SYNM: variants seen among roughly 807,000 people sequenced by gnomAD.
The protein encoded by SYNM is desmuslin.
In SYNM, 95 loss-of-function variants were observed where a neutral mutation model predicts 104.0. The ratio of observed to expected loss-of-function variants is 0.91; its 90% CI spans 0.77 to 1.08. SYNM has a LOEUF of 1.08. SYNM is among the 50% of genes least tolerant of loss of function. The pLI is 0.00. For synonymous variants in SYNM, 918 were observed against 869.0 expected (o/e 1.06, Z -0.99); for missense variants, 2,150 against 2,052.2 (o/e 1.05, Z -0.92).
chr15:99,111,785 C>T (rs1555483423), intron 1 of SYNM, among the ~76,000 whole-genome samples: 1 of 152,200 alleles, frequency 6.6e-6, no homozygotes. Flanking sequence ...TGGCTTGTGC[C>T]TATAATCCCA....
At chr15:99,119,300 C>T (rs1004623399) in intron 2 of SYNM, among the ~76,000 whole-genome samples, 2 of 152,200 alleles carry the variant, frequency 1.3e-5, no homozygotes, top group East Asian at 1.9e-4. Flanking sequence ...CGGCAGCATG[C>T]GCATTGTGAG....
In SYNM at chr15:99,105,994, G is replaced by A. The variant is rs2067237547; in HGVS notation, c.795G>A (p.Gln265=). ...LLRMREEYGI[Q]AEERQRVIDC... ...GGATGCGCGAGGAGTACGGGATACA[G>A]GCCGAGGAGCGGCAGGTCCGTGCGC... Residue 265 remains glutamine (Q), a synonymous_variant, in exon 1 of 4, where the codon CAG becomes CAA. Coordinates refer to ENST00000336292, the MANE Select transcript of SYNM (RefSeq NM_145728.3). 3 of 1,478,712 alleles carry A rather than the reference G, an allele frequency of 2.0e-6. No homozygotes were observed. The highest frequency in any genetic ancestry group is 1.8e-6 in the Non-Finnish European group (2 of 1,119,978). 91.6% of individuals were successfully genotyped at this position (1,478,712 alleles called of 1,614,324 possible).
At position 99,105,265 on chromosome 15, in the gene SYNM, C is replaced by G. The variant is rs1555482333; in HGVS notation, c.66C>G (p.Leu22=). 5.8e-6 allele frequency: 9 copies of G among 1,564,130 alleles called. No individual in the cohort carries two copies. The highest frequency in any genetic ancestry group is 7.8e-6 in the Non-Finnish European group (9 of 1,155,132). Reference sequence around the variant, plus strand: ...AGCTCCAGGAGCTCAACGCCCGGCTCTATGACTACGTGTGTCGGGTGCGGG... The same window carrying G: ...AGCTCCAGGAGCTCAACGCCCGGCTGTATGACTACGTGTGTCGGGTGCGGG... ...KAELQELNAR[L]YDYVCRVREL... The change falls in exon 1 of 4, where the codon CTC becomes CTG. Residue 22 remains leucine (L), a synonymous_variant. Coordinates refer to ENST00000336292, the MANE Select transcript of SYNM (RefSeq NM_145728.3).
chr15:99,132,150 C>A lies in SYNM; in HGVS notation c.3790C>A (p.Gln1264Lys). 6.2e-7 allele frequency: 1 copy of A among 1,614,040 alleles called. No homozygotes were observed. The highest frequency in any genetic ancestry group is 8.5e-7 in the Non-Finnish European group (1 of 1,179,902). Residue 1264 changes from glutamine to lysine, a missense_variant, in exon 4 of 4, where the codon CAA becomes AAA. Transcript: ENST00000336292. ...ESVGTQTSVR[Q>K]LQLGPKEGFS... ...AGTGGGTACCCAGACTTCTGTCAGGCAACTCCAGTTAGGCCCTAAAGAAGG... is the reference window on the plus strand; with the variant it reads ...AGTGGGTACCCAGACTTCTGTCAGGAAACTCCAGTTAGGCCCTAAAGAAGG...
Position 99,106,051 on chromosome 15 carries a change from C to G in SYNM, c.810+42C>G, listed in dbSNP as rs1020186819. On this transcript the variant is annotated intron_variant, in intron 1 of 3. Coordinates refer to ENST00000336292, the MANE Select transcript of SYNM (RefSeq NM_145728.3). ...GGCGCGCTGACCCCATACCCGCTGCCGTCGCCCCAGCACCCTGCCCTTGAC... is the reference window on the plus strand; with the variant it reads ...GGCGCGCTGACCCCATACCCGCTGCGGTCGCCCCAGCACCCTGCCCTTGAC... The G allele has an allele frequency of 1.4e-5, 20 of 1,401,890 alleles. No individual in the cohort carries two copies. The African/African-American group carries it at 2.7e-4, about 19-fold the overall frequency. The allele number at this position is 1,401,890 out of a possible 1,614,324, so 86.8% of individuals were successfully genotyped here. A position where few individuals can be genotyped will look rare whatever the true frequency, so the allele number is the denominator to read the frequency against.
chr15:99,139,150 A>G, downstream of SYNM: 1 of 805,874 alleles, frequency 1.2e-6, no homozygotes, highest in Non-Finnish European at 2.1e-6. Flanking sequence ...GGCAAGGAAG[A>G]TCTTTTACAA....
chr15:99,132,797 G>C lies in SYNM; in HGVS notation c.4437G>C (p.Ala1479=). ...CGATCCGCAGCCGGACACAGGAAGC[G>C]GGAGCTCTCGGTGTGTCTGACCGTG... is the stretch of plus-strand genomic sequence containing the variant. ...VEAIRSRTQE[A]GALGVSDRGS... The change falls in exon 4 of 4, where the codon GCG becomes GCC. Residue 1479 remains alanine (A), a synonymous_variant. Coordinates refer to ENST00000336292, the MANE Select transcript of SYNM (RefSeq NM_145728.3). 6.2e-7 allele frequency: 1 copy of C among 1,614,014 alleles called. No individual in the cohort carries two copies. The highest frequency in any genetic ancestry group is 1.3e-5 in the African/African-American group (1 of 75,040).
At chr15:99,109,517 T>C (rs2067281291) in intron 1 of SYNM, among the ~76,000 whole-genome samples, 1 of 152,042 alleles carries the variant, frequency 6.6e-6, no homozygotes, top group Non-Finnish European at 1.5e-5. Flanking sequence ...TAGCTAAGGG[T>C]CAGTGCTCTG....
Position 99,129,593 on chromosome 15 carries a change from G to A in SYNM, c.1233G>A (p.Gln411=). The change falls in exon 4 of 4, where the codon CAG becomes CAA. Residue 411 remains glutamine, a synonymous_variant. Transcript: ENST00000336292. ...ATTCTTCCTCGGCCACTACCCAGCAGGAAAACTCATACGGAAAAGCCGTCA... is the reference window on the plus strand; with the variant it reads ...ATTCTTCCTCGGCCACTACCCAGCAAGAAAACTCATACGGAAAAGCCGTCA... ...SGYSSSATTQ[Q]ENSYGKAVSS... The A allele has an allele frequency of 6.2e-7, 1 of 1,613,894 alleles. No individual in the cohort carries two copies. Among genetic ancestry groups the A allele is most frequent in the Non-Finnish European group, 8.5e-7 (1 of 1,179,884 alleles).
chr15:99,132,886 C>T lies in SYNM; in HGVS notation c.4526C>T (p.Ala1509Val). The change falls in exon 4 of 4, where the codon GCT becomes GTT. Residue 1509 changes from alanine to valine, a missense_variant. By Grantham distance (64) the Ala-to-Val change is moderately conservative (BLOSUM62 0). Coordinates refer to ENST00000336292, the MANE Select transcript of SYNM (RefSeq NM_145728.3). ...QAVGVSFKAS[A>V]GEGDQAHREQ... ...GTTGGTGTGAGCTTTAAGGCCTCTG[C>T]TGGGGAAGGAGACCAGGCCCACAGA... 3 of 1,613,760 alleles carry T rather than the reference C, an allele frequency of 1.9e-6. No homozygotes were observed. Among genetic ancestry groups the T allele is most frequent in the Non-Finnish European group, 2.5e-6 (3 of 1,179,846 alleles).
intron 2 of SYNM, among the ~76,000 whole-genome samples, chr15:99,117,078 C>T (rs1204291588): frequency 7.3e-6 from 1 of 137,702 alleles, no homozygotes; most frequent in African/African-American, 2.5e-5. Flanking sequence ...GCGATCCCCC[C>T]CATAACCCAA....
chr15:99,105,261 G>A lies in SYNM; in HGVS notation c.62G>A (p.Arg21Gln), dbSNP rs1270275435. The change falls in exon 1 of 4, where the codon CGG becomes CAG. Residue 21 changes from arginine to glutamine, a missense_variant. Arg to Gln is a conservative substitution (Grantham distance 43). Transcript: ENST00000336292. The part of the protein sequence containing the change: ...EKAELQELNA[R>Q]LYDYVCRVRE... ...GCCGAGCTCCAGGAGCTCAACGCCCGGCTCTATGACTACGTGTGTCGGGTG... is the reference window on the plus strand; with the variant it reads ...GCCGAGCTCCAGGAGCTCAACGCCCAGCTCTATGACTACGTGTGTCGGGTG... 2 of 1,565,450 alleles carry A rather than the reference G, an allele frequency of 1.3e-6. No individual in the cohort carries two copies. Among genetic ancestry groups the A allele is most frequent in the Non-Finnish European group, 1.7e-6 (2 of 1,155,910 alleles).
At chr15:99,125,282 C>T (rs1029100286) in intron 2 of SYNM, among the ~76,000 whole-genome samples, 20 of 152,306 alleles carry the variant, frequency 1.3e-4, no homozygotes, top group African/African-American at 4.3e-4. Context: ...GCTTTTACCC[C>T]GAATGTTCCT....
At chr15:99,127,935 C>T (rs1555485199) in intron 3 of SYNM, among the ~76,000 whole-genome samples, 1 of 152,174 alleles carries the variant, frequency 6.6e-6, no homozygotes, top group East Asian at 1.9e-4. Flanking sequence ...CTCAAATTTT[C>T]CCAGTTGTGA....
In SYNM at chr15:99,133,679, T is replaced by A. The variant is rs1241178846; in HGVS notation, c.*621T>A. On this transcript the variant is annotated 3_prime_UTR_variant, in exon 4 of 4. Transcript: ENST00000336292. ...TCTATGTACAGAACTTTAAACAATA[T>A]AGTATTTATGGCGAGGACAGCTGTA... is the stretch of plus-strand genomic sequence containing the variant. The A allele has an allele frequency of 5.8e-5, 9 of 154,878 alleles. No individual in the cohort carries two copies. Among genetic ancestry groups the A allele is most frequent in the Admixed American group, 5.7e-4 (9 of 15,766 alleles). 9.6% of individuals were successfully genotyped at this position (154,878 alleles called of 1,614,324 possible).
rs3743247 is a variant in SYNM at position 99,130,642 on chromosome 15, C to T, written c.2282C>T (p.Pro761Leu). ...GTGAGTTATGTCAGCGGGGAGAAGC[C>T]GGAGGAGTTTTCCGTCCCATTCAAA... ...EPVSYVSGEK[P>L]EEFSVPFKVE... Residue 761 changes from proline (P) to leucine (L), a missense_variant, in exon 4 of 4, where the codon CCG becomes CTG. By Grantham distance (98) the Pro-to-Leu change is moderately conservative. Transcript: ENST00000336292. 88,854 of 1,613,306 alleles carry T rather than the reference C, an allele frequency of 0.055. 2,721 individuals are homozygous for T. Among genetic ancestry groups the T allele is most frequent in the Admixed American group, 0.06 (3,600 of 59,906 alleles).
In SYNM at chr15:99,105,492, T is replaced by C. The variant is rs1229718537; in HGVS notation, c.293T>C (p.Leu98Pro). The change falls in exon 1 of 4, where the codon CTG becomes CCG. Residue 98 changes from leucine to proline, a missense_variant. Transcript: ENST00000336292. ...LRRELRELQR[L>P]DAEERAARGR... ...CGCGAGCTGCGGGAGCTGCAGCGCC[T>C]GGATGCGGAGGAGCGCGCCGCCCGC... is the stretch of plus-strand genomic sequence containing the variant. The C allele has an allele frequency of 7.5e-7, 1 of 1,335,920 alleles. No individual in the cohort carries two copies. Among genetic ancestry groups the C allele is most frequent in the Non-Finnish European group, 9.5e-7 (1 of 1,047,810 alleles). The allele number at this position is 1,335,920 out of a possible 1,614,324, so 82.8% of individuals were successfully genotyped here.
chr15:99,132,665 C>T lies in SYNM; in HGVS notation c.4305C>T (p.Ser1435=), dbSNP rs782018772. ...TTGTGCTTGCTGGTTCAGCGGACTC[C>T]CCTGAGCTAGGCAAGTTAGCAGACA... ...RTFVLAGSAD[S]PELGKLADSS... The change falls in exon 4 of 4, where the codon TCC becomes TCT. Residue 1435 remains serine (S), a synonymous_variant. Transcript: ENST00000336292. 9.3e-6 allele frequency: 15 copies of T among 1,613,894 alleles called. No homozygotes were observed. In the Admixed American group the frequency reaches 2.0e-4, roughly 22 times the overall value.
chr15:99,140,322 A>G (rs2068079865), downstream of SYNM: 1 of 152,248 alleles, frequency 6.6e-6, no homozygotes, highest in Non-Finnish European at 1.5e-5. Flanking sequence ...TGAAGGACTA[A>G]GTGTGAAATG....
Sources: allele counts gnomAD v4.1 joint callset (sites outside exome capture counted in the v4.1 genomes callset), GRCh38; gene constraint gnomAD v4.1.1; transcripts MANE v1.5; gene names NCBI Gene and HGNC (gene_info 2026-07-23, HGNC 2026-07-21).